LHFPL2: variants seen among roughly 807,000 people sequenced by gnomAD.
LHFPL2 encodes LHFPL tetraspan subfamily member 2 protein.
Under a neutral mutation model 17.5 loss-of-function variants are expected in LHFPL2, and 7 were observed. The ratio of observed to expected loss-of-function variants is 0.40; its 90% CI spans 0.23 to 0.75. The LOEUF (loss-of-function observed/expected upper bound fraction) is 0.75, where lower values mean the gene tolerates loss of function less well. Among genes scored for constraint, LHFPL2 ranks in the 30% least tolerant of loss-of-function variants. The pLI, the probability that LHFPL2 is intolerant of heterozygous loss-of-function variation, is 0.37. For synonymous variants in LHFPL2, 134 were observed against 116.2 expected (o/e 1.15, Z -0.99); for missense variants, 241 against 294.8 (o/e 0.82, Z 1.34).
intron 3 of LHFPL2, among the ~76,000 whole-genome samples, chr5:78,533,066 G>A (rs915656671): frequency 6.6e-5 from 10 of 152,136 alleles, no homozygotes; most frequent in African/African-American, 9.7e-5. Flanking sequence ...CAGCCTTACC[G>A]ATGTGGCCGA....
At chr5:78,503,889 T>C (rs1754852455) in intron 4 of LHFPL2, among the ~76,000 whole-genome samples, 1 of 152,192 alleles carries the variant, frequency 6.6e-6, no homozygotes, top group Non-Finnish European at 1.5e-5. Flanking sequence ...GACTCTCTAA[T>C]ACAGCCTGGA....
chr5:78,623,763 A>G (rs531126150), intron 2 of LHFPL2, among the ~76,000 whole-genome samples: 189 of 152,338 alleles, frequency 1.2e-3, no homozygotes, highest in Middle Eastern at 3.4e-3. Flanking sequence ...TTATTAACAC[A>G]TATGTATTCT....
At chr5:78,632,504 C>T (rs1376617577) in intron 1 of LHFPL2, 136 bp from the exon 2 acceptor site, 1 of 152,208 alleles carries the variant, frequency 6.6e-6, no homozygotes, top group Non-Finnish European at 1.5e-5. Flanking sequence ...GTTACCTGGC[C>T]AAGGGGCTGG....
chr5:78,489,098 C>T lies in LHFPL2; in HGVS notation c.486G>A (p.Lys162=). Residue 162 remains lysine (K), a synonymous_variant, in exon 5 of 5, where the codon AAG becomes AAA. Coordinates refer to ENST00000380345, the MANE Select transcript of LHFPL2 (RefSeq NM_005779.3). The stretch of plus-strand genomic sequence containing the variant: ...CATAATGTCCACAGTAGTCTATGGC[C>T]TTCTGGCAACCCCAGCCAGCAGGGT... ...ILYPAGWGCQ[K]AIDYCGHYAS... 3 of 1,614,200 alleles carry T rather than the reference C, an allele frequency of 1.9e-6. No homozygotes were observed. Among genetic ancestry groups the T allele is most frequent in the Non-Finnish European group, 2.5e-6 (3 of 1,180,040 alleles).
chr5:78,645,286 T>G (rs116111297), intron 1 of LHFPL2, among the ~76,000 whole-genome samples: 2,509 of 149,910 alleles, frequency 0.017, 65 homozygotes, highest in African/African-American at 0.058. Flanking sequence ...TCTGTAAGAG[T>G]AGAGGCCTAC....
intron 4 of LHFPL2, among the ~76,000 whole-genome samples, chr5:78,506,215 CTG>C (rs971917483): frequency 4.6e-5 from 7 of 152,184 alleles, no homozygotes; most frequent in African/African-American, 1.2e-4. Flanking sequence ...ATTATTTATG[CTG>C]TGTTTTTTTA....
chr5:78,617,167 T>C (rs1744650832), intron 2 of LHFPL2, among the ~76,000 whole-genome samples: 1 of 152,182 alleles, frequency 6.6e-6, no homozygotes, highest in African/African-American at 2.4e-5. Context: ...TAGCTGGGAT[T>C]ACAGGTGCGT....
intron 2 of LHFPL2, among the ~76,000 whole-genome samples, chr5:78,581,911 A>T (rs950160302): frequency 6.6e-6 from 1 of 152,166 alleles, no homozygotes; most frequent in East Asian, 1.9e-4. Context: ...CTGTGAATCC[A>T]TCTGGTCCTG....
chr5:78,615,145 T>A (rs1225780175), intron 2 of LHFPL2, among the ~76,000 whole-genome samples: 1 of 152,194 alleles, frequency 6.6e-6, no homozygotes, highest in Non-Finnish European at 1.5e-5. Context: ...CTCTATTCCC[T>A]GACAGCCTTT....
intron 2 of LHFPL2, among the ~76,000 whole-genome samples, chr5:78,575,344 C>T (rs1757102337): frequency 6.6e-6 from 1 of 152,080 alleles, no homozygotes; most frequent in Admixed American, 6.5e-5. Flanking sequence ...GTCAGGAGAT[C>T]GAGACCATCC....
At chr5:78,580,831 C>T (rs1270187263) in intron 2 of LHFPL2, among the ~76,000 whole-genome samples, 1 of 151,974 alleles carries the variant, frequency 6.6e-6, no homozygotes, top group Non-Finnish European at 1.5e-5. Context: ...GCGATGCGGG[C>T]TCTTTTTTGG....
intron 3 of LHFPL2, among the ~76,000 whole-genome samples, chr5:78,526,919 G>C (rs1755636887): frequency 6.6e-6 from 1 of 152,144 alleles, no homozygotes. Context: ...CCATAGCCCA[G>C]CTTGGAAAAG....
At chr5:78,546,679 C>T (rs538552341) in intron 3 of LHFPL2, among the ~76,000 whole-genome samples, 2 of 152,344 alleles carry the variant, frequency 1.3e-5, no homozygotes, top group Admixed American at 6.5e-5. Context: ...AACTGGCCTC[C>T]TGTCTCCTTG....
chr5:78,519,618 G>C (rs552647483), intron 3 of LHFPL2, among the ~76,000 whole-genome samples: 1 of 152,216 alleles, frequency 6.6e-6, no homozygotes, highest in Non-Finnish European at 1.5e-5. Flanking sequence ...TCCTGTGTCC[G>C]TAAAATGGAG....
At chr5:78,613,792 A>G (rs1744500537) in intron 2 of LHFPL2, among the ~76,000 whole-genome samples, 1 of 152,226 alleles carries the variant, frequency 6.6e-6, no homozygotes, top group South Asian at 2.1e-4. Context: ...ATCCAGCTCT[A>G]CCACTTACTT....
At chr5:78,581,145 G>T (rs1479925918) in intron 2 of LHFPL2, among the ~76,000 whole-genome samples, 1 of 152,156 alleles carries the variant, frequency 6.6e-6, no homozygotes, top group Admixed American at 6.5e-5. Context: ...TTGGCTCTCT[G>T]TTTGTCTGTT....
At chr5:78,567,717 G>A (rs115185319) in intron 2 of LHFPL2, among the ~76,000 whole-genome samples, 1 of 152,070 alleles carries the variant, frequency 6.6e-6, no homozygotes, top group Non-Finnish European at 1.5e-5. Flanking sequence ...AAAGTTACAT[G>A]GCTTGCAAGA....
Position 78,585,155 on chromosome 5 carries a change from C to T in LHFPL2, c.-244-20284G>A, listed in dbSNP as rs1431941764. ...CCAAGTAGCTGGGACTACAGGTGCC[C>T]GCCACTACGCCCGGCTAATTTTTTG... On this transcript the variant is annotated intron_variant, in intron 2 of 4. Coordinates refer to ENST00000380345, the MANE Select transcript of LHFPL2 (RefSeq NM_005779.3). Among the ~76,000 whole-genome samples the T allele has an allele frequency of 7.6e-4, 87 of 114,090 alleles. 17 individuals carry two copies. The highest frequency in any genetic ancestry group is 5.2e-3 in the Admixed American group (62 of 11,888). 74.8% of individuals were successfully genotyped at this position (114,090 alleles called of 152,430 possible). A position where few individuals can be genotyped will look rare whatever the true frequency, so the allele number is the denominator to read the frequency against.
At chr5:78,490,764 A>G (rs900916736) in intron 4 of LHFPL2, among the ~76,000 whole-genome samples, 2 of 148,120 alleles carry the variant, frequency 1.4e-5, no homozygotes, top group Non-Finnish European at 3.0e-5. Context: ...AAAAAAAAAA[A>G]GCAAGATACT....
Sources: allele counts gnomAD v4.1 joint callset (sites outside exome capture counted in the v4.1 genomes callset), GRCh38; gene constraint gnomAD v4.1.1; transcripts MANE v1.5; gene names NCBI Gene and HGNC (gene_info 2026-07-23, HGNC 2026-07-21).